Variants in TRIM49 observed in about 807,000 individuals in gnomAD.
TRIM49 encodes tripartite motif-containing protein 49.
Under a neutral mutation model 27.4 loss-of-function variants are expected in TRIM49, and 5 were observed. The ratio of observed to expected loss-of-function variants is 0.18; its 90% CI spans 0.10 to 0.38. The LOEUF is 0.38. Ranked by LOEUF, TRIM49 falls within the 10% of genes least tolerant of loss-of-function variation. The pLI is 1.00. For synonymous variants in TRIM49, 69 were observed against 166.0 expected, an observed-to-expected ratio of 0.42 and a Z score of 4.49; for missense variants, 188 against 487.5, an observed-to-expected ratio of 0.39 and a Z score of 5.79.
the TRIM49 span, among the ~76,000 whole-genome samples, chr11:89,791,611 T>C: frequency 1.3e-5 from 2 of 150,896 alleles, no homozygotes; most frequent in African/African-American, 4.9e-5. Context: ...AGAGAAGAAT[T>C]TTCAACCCAG....
At chr11:89,774,481 G>A in the TRIM49 span, among the ~76,000 whole-genome samples, 2 of 147,672 alleles carry the variant, frequency 1.4e-5, no homozygotes, top group African/African-American at 2.6e-5. Context: ...GTGGTCTTCC[G>A]TGGGCCCATA....
chr11:89,774,882 T>C, the TRIM49 span, among the ~76,000 whole-genome samples: 2 of 147,080 alleles, frequency 1.4e-5, no homozygotes, highest in Non-Finnish European at 3.0e-5. Flanking sequence ...TGAAAAGATA[T>C]ATTTCCATAG....
At chr11:89,790,404 A>C in the TRIM49 span, among the ~76,000 whole-genome samples, 3 of 150,286 alleles carry the variant, frequency 2.0e-5, no homozygotes, top group East Asian at 3.9e-4. Flanking sequence ...CTTTGAAGAG[A>C]GTAGTGGTTC....
At chr11:89,777,086 G>A in the TRIM49 span, 8 of 1,550,226 alleles carry the variant, frequency 5.2e-6, no homozygotes, top group Non-Finnish European at 7.0e-6. Flanking sequence ...AGCTTTTGCA[G>A]GCCCTGCCTC....
At chr11:89,804,622 T>C in intron 2 of TRIM49, 149 bp from the exon 3 acceptor site, 1 of 1,227,572 alleles carries the variant, frequency 8.1e-7, no homozygotes, top group Non-Finnish European at 1.1e-6. Flanking sequence ...AACTTAAAAA[T>C]TTACACTTAG....
chr11:89,805,991 A>G (rs1267369360), intron 2 of TRIM49, among the ~76,000 whole-genome samples: 14 of 151,046 alleles, frequency 9.3e-5, no homozygotes, highest in Non-Finnish European at 1.9e-4. Context: ...AAGTGCTGGG[A>G]TTCTAGGCAC....
intron 2 of TRIM49, among the ~76,000 whole-genome samples, chr11:89,805,880 G>C (rs1949786075): frequency 6.7e-6 from 1 of 149,754 alleles, no homozygotes; most frequent in Admixed American, 6.6e-5. Context: ...ACTAGGCCTG[G>C]CTAATTTTTG....
chr11:89,770,611 G>T, the TRIM49 span, among the ~76,000 whole-genome samples: 1 of 142,096 alleles, frequency 7.0e-6, no homozygotes, highest in Non-Finnish European at 1.5e-5. Context: ...TGTAATCCCA[G>T]CACTTTGGGA....
At chr11:89,804,852 GA>G (rs1201841521) in intron 2 of TRIM49, among the ~76,000 whole-genome samples, 2 of 151,366 alleles carry the variant, frequency 1.3e-5, no homozygotes, top group Admixed American at 6.6e-5. Context: ...GAGTGGGAGG[GA>G]AAAAACTACC....
At chr11:89,778,172 C>T in the TRIM49 span, among the ~76,000 whole-genome samples, 1 of 151,930 alleles carries the variant, frequency 6.6e-6, no homozygotes, top group African/African-American at 2.4e-5. Context: ...AACAGAGAAG[C>T]CCACACAAGC....
At position 89,804,240 on chromosome 11, in the gene TRIM49, G is replaced by T; in HGVS notation, c.230C>A (p.Ala77Asp). The change falls in exon 3 of 8, where the codon GCC becomes GAC. Residue 77 changes from alanine to aspartate, a missense_variant. Ala to Asp is a moderately radical substitution (Grantham distance 126). This residue lies in a region of TRIM49 where 37 missense variants were observed against 52.4 expected (regional missense o/e 0.71). Transcript: ENST00000329758. ...NIHLKKMASL[A>D]RKVSLWLFLS... is the part of the protein sequence containing the mutation. ...GAATAGCCAGAGACTGACTTTTCTG[G>T]CAAGAGAAGCCATCTTCTTCAAATG... The T allele has an allele frequency of 1.9e-6, 3 of 1,610,888 alleles. 1 individual carries two copies. Among genetic ancestry groups the T allele is most frequent in the South Asian group, 2.2e-5 (2 of 90,812 alleles).
chr11:89,794,029 C>A (rs866164374), downstream of TRIM49, among the ~76,000 whole-genome samples: 18 of 143,494 alleles, frequency 1.3e-4, no homozygotes, highest in Admixed American at 1.1e-3. Flanking sequence ...TGATAAGCAA[C>A]TTCAGCAAAG....
chr11:89,773,713 C>T, the TRIM49 span, among the ~76,000 whole-genome samples: 4 of 134,990 alleles, frequency 3.0e-5, 2 homozygotes, highest in African/African-American at 1.4e-4. Context: ...CCGAGGTGGG[C>T]AGATCACCTG....
intron 6 of TRIM49, among the ~76,000 whole-genome samples, chr11:89,800,601 G>A (rs1388498078): frequency 6.7e-6 from 1 of 150,300 alleles, no homozygotes. Flanking sequence ...AAATTAGCCG[G>A]GTGTGGTGGC....
chr11:89,793,071 C>T (rs371439565), downstream of TRIM49, among the ~76,000 whole-genome samples: 4 of 152,142 alleles, frequency 2.6e-5, no homozygotes, highest in Admixed American at 6.5e-5. Context: ...ATATCACCAC[C>T]GATCCCACAG....
the TRIM49 span, among the ~76,000 whole-genome samples, chr11:89,769,958 A>G: frequency 7.5e-6 from 1 of 133,916 alleles, no homozygotes; most frequent in Non-Finnish European, 1.5e-5. Flanking sequence ...TTCTGATTCT[A>G]ACAAGTACAC....
the TRIM49 span, among the ~76,000 whole-genome samples, chr11:89,770,046 G>C: frequency 7.7e-6 from 1 of 130,374 alleles, no homozygotes; most frequent in Admixed American, 7.3e-5. Flanking sequence ...GTTGCAGGAG[G>C]ATGCCGTCGA....
At chr11:89,805,036 A>G (rs1479699521) in intron 2 of TRIM49, among the ~76,000 whole-genome samples, 3 of 151,762 alleles carry the variant, frequency 2.0e-5, no homozygotes, top group Admixed American at 2.0e-4. Context: ...AAATTAAATT[A>G]AAAACAAAGA....
At chr11:89,776,423 A>G in the TRIM49 span, among the ~76,000 whole-genome samples, 1 of 146,786 alleles carries the variant, frequency 6.8e-6, no homozygotes, top group African/African-American at 2.6e-5. Flanking sequence ...ACGCCCTGCT[A>G]ATTTTTTGTA....
Sources: allele counts gnomAD v4.1 joint callset (sites outside exome capture counted in the v4.1 genomes callset), GRCh38; gene constraint gnomAD v4.1.1; regional missense constraint gnomAD v4.1.1; transcripts MANE v1.5; gene names NCBI Gene and HGNC (gene_info 2026-07-23, HGNC 2026-07-21).